The following HS6ST3 variants were observed in gnomAD, a reference collection of about 807,000 sequenced individuals.
The protein encoded by HS6ST3 is heparan sulfate 6-O-sulfotransferase 3.
Under a neutral mutation model 36.7 loss-of-function variants are expected in HS6ST3, and 12 were observed. The ratio of observed to expected loss-of-function variants is 0.33; its 90% CI spans 0.21 to 0.53. The LOEUF (loss-of-function observed/expected upper bound fraction) is 0.53, where lower values mean the gene tolerates loss of function less well. Ranked by LOEUF, HS6ST3 falls within the 20% of genes least tolerant of loss-of-function variation. The probability of loss-of-function intolerance (pLI) is 0.95; values close to 1 mark genes in which losing one functional copy is unlikely to be tolerated. For missense variants in HS6ST3, 584 were observed against 640.9 expected (o/e 0.91, Z 0.96); for synonymous variants, 240 against 257.5 (o/e 0.93, Z 0.65).
At chr13:96,311,326 C>G (rs576842415) in intron 1 of HS6ST3, among the ~76,000 whole-genome samples, 22 of 152,142 alleles carry the variant, frequency 1.4e-4, no homozygotes, top group Non-Finnish European at 2.2e-4. Flanking sequence ...ATGCCACAAC[C>G]TCTGTAACTG....
At chr13:96,353,046 CTTTTTTTTTTTTTTTT>C (rs1026366277) in intron 1 of HS6ST3, among the ~76,000 whole-genome samples, 1 of 85,436 alleles carries the variant, frequency 1.2e-5, no homozygotes, top group Admixed American at 1.2e-4. Context: ...CTAGCGTATT[CTTTTTTTTTTTTTTTT>C]TTTTTTTTTT....
Position 96,091,530 on chromosome 13 carries a change from T to G in HS6ST3, c.668T>G (p.Met223Arg), listed in dbSNP as rs777275367. The G allele has an allele frequency of 6.3e-7, 1 of 1,591,370 alleles. No individual in the cohort carries two copies. Among genetic ancestry groups the G allele is most frequent in the Non-Finnish European group, 8.5e-7 (1 of 1,172,956 alleles). Residue 223 changes from methionine (M) to arginine (R), a missense_variant, in exon 1 of 2, where the codon ATG becomes AGG. By Grantham distance (91) the Met-to-Arg change is moderately conservative (BLOSUM62 -1). Around this residue, in one of 3 missense-constraint regions of HS6ST3, gnomAD observed 360 missense variants for 411.3 expected, o/e 0.88. Coordinates refer to ENST00000376705, the MANE Select transcript of HS6ST3 (RefSeq NM_153456.4). Reference sequence around the variant, plus strand: ...CTCACCAACTGCGTGCCGGCCATCATGGAGAAGAAGGACTGTCCCCGCAAC... The same window carrying G: ...CTCACCAACTGCGTGCCGGCCATCAGGGAGAAGAAGGACTGTCCCCGCAAC... ...TELTNCVPAI[M>R]EKKDCPRNHS...
At chr13:96,433,235 G>C (rs2055625020) in intron 1 of HS6ST3, among the ~76,000 whole-genome samples, 1 of 152,176 alleles carries the variant, frequency 6.6e-6, no homozygotes, top group Admixed American at 6.5e-5. Flanking sequence ...AGGCAGGGGA[G>C]AAGATAGAGG....
chr13:96,098,020 C>T (rs769787791), intron 1 of HS6ST3, among the ~76,000 whole-genome samples: 1 of 152,066 alleles, frequency 6.6e-6, no homozygotes, highest in African/African-American at 2.4e-5. Context: ...ATGCCCACTC[C>T]CCGGATTGTC....
At chr13:96,298,490 A>G (rs984304557) in intron 1 of HS6ST3, among the ~76,000 whole-genome samples, 3 of 152,228 alleles carry the variant, frequency 2.0e-5, no homozygotes, top group Admixed American at 6.6e-5. Context: ...GGCAAAGAAC[A>G]CTACTTAGAT....
intron 1 of HS6ST3, among the ~76,000 whole-genome samples, chr13:96,518,197 T>C (rs1487957706): frequency 3.9e-5 from 6 of 152,264 alleles, no homozygotes; most frequent in Non-Finnish European, 8.8e-5. Flanking sequence ...GGAGACACCA[T>C]CTCCTTAACA....
At chr13:96,813,800 C>G (rs1321727512) in intron 1 of HS6ST3, among the ~76,000 whole-genome samples, 2 of 152,200 alleles carry the variant, frequency 1.3e-5, no homozygotes, top group African/African-American at 2.4e-5. Flanking sequence ...ATTGAACTCA[C>G]AAACAAAAGA....
intron 1 of HS6ST3, among the ~76,000 whole-genome samples, chr13:96,358,864 T>C (rs908352360): frequency 8.4e-5 from 12 of 143,154 alleles, no homozygotes; most frequent in Non-Finnish European, 1.5e-4. Context: ...AGGAAGTATA[T>C]ATATAATCTA....
At position 96,254,494 on chromosome 13, in the gene HS6ST3, TATATACACATAC is replaced by T. The variant is rs1168866204; in HGVS notation, c.707+162929_707+162940del. 7.3e-3 allele frequency among the ~76,000 whole-genome samples: 161 copies of T among 21,912 alleles called. 7 individuals carry two copies. The highest frequency in any genetic ancestry group is 0.021 in the Middle Eastern group (1 of 48). The allele number at this position is 21,912 out of a possible 152,430, so 14.4% of individuals were successfully genotyped here. On this transcript the variant is annotated intron_variant, in intron 1 of 1. Transcript: ENST00000376705. ...ATATATATATATATATATATATATA[TATATACACATAC>T]ATACACACACACACTTTTTTCTTTT...
chr13:96,465,211 G>C (rs998791556), intron 1 of HS6ST3, among the ~76,000 whole-genome samples: 2 of 152,080 alleles, frequency 1.3e-5, no homozygotes, highest in Non-Finnish European at 2.9e-5. Flanking sequence ...ACTTAAGTCT[G>C]CACATAATTC....
chr13:96,728,535 CTGTT>C (rs1160167218), intron 1 of HS6ST3, among the ~76,000 whole-genome samples: 1 of 152,186 alleles, frequency 6.6e-6, no homozygotes, highest in Non-Finnish European at 1.5e-5. Context: ...TACCCACTCA[CTGTT>C]TGAGTAATTT....
chr13:96,214,174 A>G (rs1056640632), intron 1 of HS6ST3, among the ~76,000 whole-genome samples: 2 of 152,188 alleles, frequency 1.3e-5, no homozygotes, highest in Non-Finnish European at 2.9e-5. Flanking sequence ...CTATATATAA[A>G]AGGTGTCATC....
intron 1 of HS6ST3, among the ~76,000 whole-genome samples, chr13:96,457,618 G>A (rs1446400216): frequency 2.6e-5 from 4 of 152,094 alleles, no homozygotes; most frequent in Non-Finnish European, 5.9e-5. Flanking sequence ...AAGCACTTCT[G>A]TTCCTCTTTA....
intron 1 of HS6ST3, among the ~76,000 whole-genome samples, chr13:96,331,923 G>A (rs11616787): frequency 0.084 from 12,719 of 152,222 alleles, 574 homozygotes; most frequent in Middle Eastern, 0.12. Flanking sequence ...CCAAATATTC[G>A]GTTGGGAGTG....
At chr13:96,474,527 C>A (rs539037018) in intron 1 of HS6ST3, among the ~76,000 whole-genome samples, 1 of 152,186 alleles carries the variant, frequency 6.6e-6, no homozygotes. Context: ...ATTATACAAT[C>A]AGTATGCATT....
At chr13:96,683,663 T>G (rs1263037215) in intron 1 of HS6ST3, among the ~76,000 whole-genome samples, 1 of 152,114 alleles carries the variant, frequency 6.6e-6, no homozygotes, top group Non-Finnish European at 1.5e-5. Context: ...GAATAGTGTC[T>G]CATCATATGT....
chr13:96,605,664 GACCAAGCAAA>G (rs2056436099), intron 1 of HS6ST3, among the ~76,000 whole-genome samples: 1 of 151,846 alleles, frequency 6.6e-6, no homozygotes, highest in Non-Finnish European at 1.5e-5. Context: ...AAAACTTAAA[GACCAAGCAAA>G]AAAGCAATTC....
chr13:96,680,231 G>T (rs2056713593), intron 1 of HS6ST3, among the ~76,000 whole-genome samples: 1 of 152,020 alleles, frequency 6.6e-6, no homozygotes, highest in Non-Finnish European at 1.5e-5. Context: ...CTTCCTGATG[G>T]CATCTAGGAT....
chr13:96,522,138 G>A (rs901943810), intron 1 of HS6ST3, among the ~76,000 whole-genome samples: 22 of 152,198 alleles, frequency 1.4e-4, no homozygotes, highest in African/African-American at 5.3e-4. Context: ...AGGTTGTTCA[G>A]TTTCCATGTA....
Sources: allele counts gnomAD v4.1 joint callset (sites outside exome capture counted in the v4.1 genomes callset), GRCh38; gene constraint gnomAD v4.1.1; regional missense constraint gnomAD v4.1.1; transcripts MANE v1.5; gene names NCBI Gene and HGNC (gene_info 2026-07-23, HGNC 2026-07-21).